Variants in CPEB3 observed in about 807,000 individuals in gnomAD.
CPEB3 encodes cytoplasmic polyadenylation element binding protein 3.
CPEB3 carries 20 observed loss-of-function variants against 67.2 expected under a neutral mutation model. That is an observed-to-expected ratio of 0.30 (90% CI 0.21 to 0.43). CPEB3 has a LOEUF of 0.43. Ranked by LOEUF, CPEB3 falls within the 20% of genes least tolerant of loss-of-function variation. The probability of loss-of-function intolerance (pLI) is 1.00; values close to 1 mark genes in which losing one functional copy is unlikely to be tolerated. For synonymous variants in CPEB3, 376 were observed against 393.1 expected (o/e 0.96, Z 0.51); for missense variants, 746 against 968.6 (o/e 0.77, Z 3.05).
At chr10:92,225,236 G>A (rs774004573) in intron 2 of CPEB3, among the ~76,000 whole-genome samples, 2 of 152,056 alleles carry the variant, frequency 1.3e-5, no homozygotes, top group Non-Finnish European at 2.9e-5. Context: ...GCCTCCCAAA[G>A]TGCTGGGATT....
At chr10:92,255,775 T>C (rs1422168038) in intron 1 of CPEB3, among the ~76,000 whole-genome samples, 2 of 152,244 alleles carry the variant, frequency 1.3e-5, no homozygotes, top group Non-Finnish European at 2.9e-5. Flanking sequence ...CACTATTCCA[T>C]TTTCATTTAA....
At chr10:92,237,252 T>C (rs1411802780) in intron 2 of CPEB3, among the ~76,000 whole-genome samples, 3 of 152,200 alleles carry the variant, frequency 2.0e-5, no homozygotes, top group African/African-American at 7.2e-5. Context: ...AGCTCTGTTT[T>C]ATGAAAAAGA....
At chr10:92,106,180 A>G (rs1844442612) in intron 7 of CPEB3, among the ~76,000 whole-genome samples, 1 of 150,784 alleles carries the variant, frequency 6.6e-6, no homozygotes, top group African/African-American at 2.4e-5. Flanking sequence ...GGCATGAGCC[A>G]CTGCACCCAG....
At chr10:92,242,554 G>T (rs945774301) in intron 1 of CPEB3, among the ~76,000 whole-genome samples, 1 of 152,140 alleles carries the variant, frequency 6.6e-6, no homozygotes, top group Non-Finnish European at 1.5e-5. Context: ...AGCTAGAATT[G>T]TCTTTATAAT....
intron 9 of CPEB3, among the ~76,000 whole-genome samples, chr10:92,074,216 G>A (rs933615211): frequency 6.6e-6 from 1 of 152,094 alleles, no homozygotes; most frequent in Non-Finnish European, 1.5e-5. Context: ...AAAGTTCTGG[G>A]ATTACAGGCA....
At chr10:92,192,739 A>G in intron 2 of CPEB3, 103 bp from the exon 3 acceptor site, 2 of 800,196 alleles carry the variant, frequency 2.5e-6, no homozygotes, top group Admixed American at 3.1e-5. Flanking sequence ...AATGAAAGTT[A>G]CAGAGAGCCC....
chr10:92,194,525 G>A (rs572984215), intron 2 of CPEB3, among the ~76,000 whole-genome samples: 67 of 152,070 alleles, frequency 4.4e-4, no homozygotes, highest in South Asian at 3.7e-3. Flanking sequence ...TCCAAAGTAC[G>A]AAAATTACCT....
At chr10:92,218,089 GT>G (rs1451415971) in intron 2 of CPEB3, among the ~76,000 whole-genome samples, 5 of 152,088 alleles carry the variant, frequency 3.3e-5, no homozygotes, top group African/African-American at 1.2e-4. Context: ...TGCAGCCTGG[GT>G]AAAAGAGTGA....
intron 1 of CPEB3, among the ~76,000 whole-genome samples, chr10:92,268,868 C>T (rs956580851): frequency 6.6e-6 from 1 of 152,060 alleles, no homozygotes. Flanking sequence ...TCCTTGGAAA[C>T]ACTACGAAAC....
chr10:92,268,184 CAT>C (rs1254509265), intron 1 of CPEB3, among the ~76,000 whole-genome samples: 1 of 152,116 alleles, frequency 6.6e-6, no homozygotes, highest in Non-Finnish European at 1.5e-5. Context: ...AACATTTTGA[CAT>C]GTTTGATTTA....
intron 4 of CPEB3, among the ~76,000 whole-genome samples, chr10:92,176,883 T>C (rs534512568): frequency 2.0e-5 from 3 of 152,350 alleles, no homozygotes; most frequent in East Asian, 1.9e-4. Context: ...GCAAGCCACA[T>C]GTGGCCCAAG....
chr10:92,137,659 C>G lies in CPEB3; in HGVS notation c.1453+5370G>C, dbSNP rs368159386. On this transcript the variant is annotated intron_variant, in intron 6 of 9. Coordinates refer to ENST00000265997, the MANE Select transcript of CPEB3 (RefSeq NM_014912.5). The stretch of plus-strand genomic sequence containing the variant: ...CACACTGTGTGGCTTGTATGAAACC[C>G]TGATTGTCACCCTAGGCAGTCATCT... The G allele has an allele frequency of 1.5e-4, 85 of 550,688 alleles. 1 individual carries two copies. Among genetic ancestry groups the G allele is most frequent in the South Asian group, 9.0e-4 (43 of 47,748 alleles). 34.1% of individuals were successfully genotyped at this position (550,688 alleles called of 1,614,324 possible).
At chr10:92,124,360 G>A (rs1845520374) in intron 6 of CPEB3, among the ~76,000 whole-genome samples, 1 of 152,162 alleles carries the variant, frequency 6.6e-6, no homozygotes, top group Non-Finnish European at 1.5e-5. Flanking sequence ...CAATGCTGAA[G>A]AGACAAGTGT....
chr10:92,266,728 A>G (rs1853074856), intron 1 of CPEB3, among the ~76,000 whole-genome samples: 1 of 152,154 alleles, frequency 6.6e-6, no homozygotes, highest in African/African-American at 2.4e-5. Flanking sequence ...CAGATCTGGT[A>G]GAATATTTAG....
intron 1 of CPEB3, among the ~76,000 whole-genome samples, chr10:92,250,544 G>A (rs996599218): frequency 1.3e-5 from 2 of 152,140 alleles, no homozygotes; most frequent in African/African-American, 4.8e-5. Context: ...GTCTACAGTA[G>A]TATATAGTAA....
chr10:92,054,610 T>A (rs1380010179), intron 9 of CPEB3, among the ~76,000 whole-genome samples: 1 of 151,930 alleles, frequency 6.6e-6, no homozygotes, highest in Admixed American at 6.6e-5. Context: ...CAAATATAAT[T>A]TTTATATTTT....
intron 1 of CPEB3, among the ~76,000 whole-genome samples, chr10:92,249,464 T>G (rs1232084222): frequency 6.6e-6 from 1 of 152,058 alleles, no homozygotes; most frequent in Non-Finnish European, 1.5e-5. Flanking sequence ...TGTTGGTTCA[T>G]GTATTTACTT....
intron 6 of CPEB3, among the ~76,000 whole-genome samples, chr10:92,115,826 A>G (rs546675602): frequency 1.2e-4 from 19 of 152,352 alleles, no homozygotes; most frequent in African/African-American, 4.6e-4. Flanking sequence ...TGTATGTGAA[A>G]AAACAAAAAA....
chr10:92,205,555 C>T (rs370507608), intron 2 of CPEB3, among the ~76,000 whole-genome samples: 1 of 142,278 alleles, frequency 7.0e-6, no homozygotes, highest in Non-Finnish European at 1.5e-5. Flanking sequence ...TAGCTTACTG[C>T]AACCTCTGCC....
Sources: allele counts gnomAD v4.1 joint callset (sites outside exome capture counted in the v4.1 genomes callset), GRCh38; gene constraint gnomAD v4.1.1; transcripts MANE v1.5; gene names NCBI Gene and HGNC (gene_info 2026-07-23, HGNC 2026-07-21).